ATP8A2: variants seen among roughly 807,000 people sequenced by gnomAD.
The protein encoded by ATP8A2 is phospholipid-transporting ATPase IB.
Under a neutral mutation model 165.6 loss-of-function variants are expected in ATP8A2, and 100 were observed. The ratio of observed to expected loss-of-function variants is 0.60; its 90% CI spans 0.51 to 0.71. The LOEUF (loss-of-function observed/expected upper bound fraction) is 0.71. Ranked by LOEUF, ATP8A2 falls within the 30% of genes least tolerant of loss-of-function variation. ATP8A2 has a pLI of 0.00. For synonymous variants in ATP8A2, 543 were observed against 548.8 expected (o/e 0.99, Z 0.15); for missense variants, 1,227 against 1,479.5 (o/e 0.83, Z 2.80).
intron 2 of ATP8A2, among the ~76,000 whole-genome samples, chr13:25,525,677 A>G (rs2037820033): frequency 1.3e-5 from 2 of 152,072 alleles, no homozygotes; most frequent in Non-Finnish European, 2.9e-5. Flanking sequence ...CTGTTGCCAG[A>G]TGAATTGGAG....
At chr13:25,453,662 T>C (rs2035287606) in intron 1 of ATP8A2, among the ~76,000 whole-genome samples, 2 of 152,218 alleles carry the variant, frequency 1.3e-5, no homozygotes, top group African/African-American at 4.8e-5. Context: ...TAGAAACAAA[T>C]GTAAACTAAA....
intron 33 of ATP8A2, among the ~76,000 whole-genome samples, chr13:25,946,230 C>T (rs1464905105): frequency 6.6e-6 from 1 of 152,142 alleles, no homozygotes; most frequent in East Asian, 1.9e-4. Context: ...CCTGTGAGTC[C>T]GGCCACTCAG....
At chr13:25,593,815 T>A (rs143069399) in intron 24 of ATP8A2, among the ~76,000 whole-genome samples, 1 of 152,146 alleles carries the variant, frequency 6.6e-6, no homozygotes, top group African/African-American at 2.4e-5. Context: ...TGGACTAGAG[T>A]TAGTTTTCAT....
At chr13:25,435,952 A>AGT (rs1448353061) in intron 1 of ATP8A2, among the ~76,000 whole-genome samples, 6,935 of 40,608 alleles carry the variant, frequency 0.17, 279 homozygotes, top group African/African-American at 0.24. Flanking sequence ...TGTGTGTGTG[A>AGT]GTGTGTGTGT....
At chr13:25,630,440 A>G (rs2041213971) in intron 24 of ATP8A2, among the ~76,000 whole-genome samples, 2 of 152,154 alleles carry the variant, frequency 1.3e-5, no homozygotes, top group African/African-American at 4.8e-5. Context: ...TTGTTGTGAC[A>G]CTAATTTCAC....
At chr13:25,555,125 T>C (rs2038943346) in intron 13 of ATP8A2, 57 bp downstream of exon 13, 2 of 1,268,000 alleles carry the variant, frequency 1.6e-6, no homozygotes, top group East Asian at 2.3e-5. Context: ...GGAAAATGAG[T>C]GTTAGCAGAA....
chr13:25,968,264 G>A (rs1955827280), intron 34 of ATP8A2, among the ~76,000 whole-genome samples: 1 of 152,206 alleles, frequency 6.6e-6, no homozygotes, highest in South Asian at 2.1e-4. Context: ...TGTAGAGGTA[G>A]ACCCTGGGTC....
At chr13:25,990,386 G>A (rs1460807507) in intron 35 of ATP8A2, among the ~76,000 whole-genome samples, 3 of 152,106 alleles carry the variant, frequency 2.0e-5, no homozygotes, top group Non-Finnish European at 4.4e-5. Flanking sequence ...AGCTAGATGT[G>A]GGTGCAGACA....
intron 1 of ATP8A2, among the ~76,000 whole-genome samples, chr13:25,433,789 A>G (rs1309125243): frequency 6.6e-6 from 1 of 152,216 alleles, no homozygotes; most frequent in African/African-American, 2.4e-5. Flanking sequence ...ATGGAATACT[A>G]CACAGCCATA....
At chr13:25,800,982 G>A (rs1437582997) in intron 27 of ATP8A2, among the ~76,000 whole-genome samples, 2 of 152,150 alleles carry the variant, frequency 1.3e-5, no homozygotes, top group Non-Finnish European at 2.9e-5. Flanking sequence ...GTCAGGAAAA[G>A]GATGCTTCCA....
At chr13:25,868,438 G>T (rs1459290740) in intron 33 of ATP8A2, among the ~76,000 whole-genome samples, 1 of 152,180 alleles carries the variant, frequency 6.6e-6, no homozygotes, top group Admixed American at 6.5e-5. Flanking sequence ...AGTCCTATCA[G>T]CAGAGATTCA....
chr13:25,619,384 A>G (rs1293720922), intron 24 of ATP8A2, among the ~76,000 whole-genome samples: 1 of 152,216 alleles, frequency 6.6e-6, no homozygotes, highest in Non-Finnish European at 1.5e-5. Context: ...TTTATTCTGT[A>G]TGCTGTTAAT....
At chr13:25,711,817 G>A (rs1489500152) in intron 25 of ATP8A2, among the ~76,000 whole-genome samples, 1 of 152,186 alleles carries the variant, frequency 6.6e-6, no homozygotes, top group Non-Finnish European at 1.5e-5. Flanking sequence ...GTGACTGACT[G>A]AATGTACTTG....
At chr13:25,763,708 A>G (rs2044432192) in intron 25 of ATP8A2, among the ~76,000 whole-genome samples, 1 of 152,190 alleles carries the variant, frequency 6.6e-6, no homozygotes, top group Admixed American at 6.6e-5. Flanking sequence ...AATCTGGGCC[A>G]TGAGATTAAG....
chr13:25,776,713 C>T (rs2044750863), intron 27 of ATP8A2, among the ~76,000 whole-genome samples: 1 of 152,140 alleles, frequency 6.6e-6, no homozygotes. Flanking sequence ...AAAGAGGTAT[C>T]GTAGGGTCAT....
intron 24 of ATP8A2, among the ~76,000 whole-genome samples, chr13:25,673,459 G>A (rs1363301707): frequency 5.3e-5 from 8 of 152,190 alleles, no homozygotes; most frequent in Admixed American, 5.2e-4. Context: ...CTCCTGTCAT[G>A]TATGATACCA....
intron 10 of ATP8A2, among the ~76,000 whole-genome samples, chr13:25,543,817 A>G (rs2038558980): frequency 6.6e-6 from 1 of 152,222 alleles, no homozygotes; most frequent in Non-Finnish European, 1.5e-5. Context: ...TTTAGTTTTC[A>G]TAGACCGAAG....
At chr13:25,672,338 G>GT (rs1049853463) in intron 24 of ATP8A2, among the ~76,000 whole-genome samples, 5 of 152,214 alleles carry the variant, frequency 3.3e-5, no homozygotes, top group East Asian at 1.9e-4. Context: ...TAGGTCTTTT[G>GT]TTTTTTCAGA....
At chr13:25,602,143 T>C (rs192881429) in intron 24 of ATP8A2, among the ~76,000 whole-genome samples, 88 of 152,346 alleles carry the variant, frequency 5.8e-4, no homozygotes, top group African/African-American at 2.1e-3. Flanking sequence ...GAAATGTTGC[T>C]TGAACAATTT....
Sources: gnomAD v4.1 joint callset for allele counts (sites outside exome capture counted in the v4.1 genomes callset) on GRCh38, gnomAD v4.1.1 for gene constraint, MANE v1.5 for transcripts, NCBI Gene and HGNC (gene_info 2026-07-23, HGNC 2026-07-21) for gene names.